The following DNAH12 variants were observed in gnomAD, a reference collection of about 807,000 sequenced individuals.
DNAH12 encodes axonemal beta dynein heavy chain 12.
Under a neutral mutation model 371.5 loss-of-function variants are expected in DNAH12, and 285 were observed. The observed-to-expected ratio is 0.77, with a 90% CI of 0.70 to 0.85. DNAH12 has a LOEUF of 0.85. DNAH12 is among the 40% of genes least tolerant of loss of function. The pLI is 0.00. For synonymous variants in DNAH12, 1,200 were observed against 1,213.0 expected, an observed-to-expected ratio of 0.99 and a Z score of 0.22; for missense variants, 3,611 against 3,689.4, an observed-to-expected ratio of 0.98 and a Z score of 0.55.
chr3:57,519,596 C>G, intron 4 of DNAH12: 1 of 863,456 alleles, frequency 1.2e-6, no homozygotes, highest in Non-Finnish European at 2.0e-6. Context: ...AGTGTTCTAG[C>G]CTTTGAAGGG....
At chr3:57,321,221 C>G (rs140562263) in intron 65 of DNAH12, among the ~76,000 whole-genome samples, 1 of 152,316 alleles carries the variant, frequency 6.6e-6, no homozygotes, top group Non-Finnish European at 1.5e-5. Flanking sequence ...CTACTAAGCT[C>G]TCTTTCTAAA....
In DNAH12 at chr3:57,458,235, T is replaced by C. The variant is rs1418375408; in HGVS notation, c.2932-15A>G. On this transcript the variant is annotated splice_polypyrimidine_tract_variant and intron_variant, in intron 20 of 73. Transcript: ENST00000495027. ...GCAGCAAGAACCTAAACGAGACACA[T>C]GCATTCAAGTCAGCACTTTTATGCC... 5.2e-6 allele frequency: 8 copies of C among 1,536,934 alleles called. No individual in the cohort carries two copies. Among genetic ancestry groups the C allele is most frequent in the Non-Finnish European group, 7.0e-6 (8 of 1,143,182 alleles).
chr3:57,437,114 C>A (rs2065152562), intron 29 of DNAH12, 54 bp from the exon 30 acceptor site: 1 of 1,111,268 alleles, frequency 9.0e-7, no homozygotes, highest in Non-Finnish European at 1.3e-6. Context: ...AAATGTCATA[C>A]CTGTCTTATA....
Position 57,425,050 on chromosome 3 carries a change from G to C in DNAH12, c.5345C>G (p.Thr1782Ser), listed in dbSNP as rs2064720220. The change falls in exon 35 of 74, where the codon ACT (threonine) becomes AGT (serine). Residue 1782 changes from threonine (T) to serine (S), a missense_variant. Thr to Ser is a moderately conservative substitution (Grantham distance 58, BLOSUM62 1). This residue lies in a region of DNAH12 where 2,266 missense variants were observed against 2,236.9 expected (regional missense o/e 1.01). Coordinates refer to ENST00000495027, the MANE Select transcript of DNAH12 (RefSeq NM_001366028.2). ...AATCCAAACACGAATGTGCTTGCTA[G>C]TAGGATCATTTTCTACCACATTGCA... ...LLCNVVENDP[T>S]SKHIRVWIMA... The C allele has an allele frequency of 2.8e-6, 2 of 702,680 alleles. No individual in the cohort carries two copies. The highest frequency in any genetic ancestry group is 2.6e-6 in the Non-Finnish European group (1 of 384,890). The allele number at this position is 702,680 out of a possible 1,614,324, so 43.5% of individuals were successfully genotyped here. A position where few individuals can be genotyped will look rare whatever the true frequency, so the allele number is the denominator to read the frequency against.
In DNAH12 at chr3:57,310,747, G is replaced by A; in HGVS notation, c.10866C>T (p.Gly3622=). ...PSGNYFAPPK[G]TYEDYIEFIK... ...TGAATTCAATGTAGTCCTCATAAGT[G>A]CCTTTAGGAGGTGCAAAATAGTTTC... The change falls in exon 67 of 74, where the codon GGC becomes GGT. Residue 3622 remains glycine, a synonymous_variant. Coordinates refer to ENST00000495027, the MANE Select transcript of DNAH12 (RefSeq NM_001366028.2). 6.4e-7 allele frequency: 1 copy of A among 1,551,314 alleles called. No homozygotes were observed. The highest frequency in any genetic ancestry group is 8.7e-7 in the Non-Finnish European group (1 of 1,146,704).
chr3:57,515,471 C>A (rs1403007310), intron 4 of DNAH12, among the ~76,000 whole-genome samples: 3 of 152,018 alleles, frequency 2.0e-5, no homozygotes, highest in African/African-American at 7.2e-5. Flanking sequence ...AAAGCCAGGC[C>A]TTGTGGCGCA....
chr3:57,431,152 T>A (rs1050546287), intron 32 of DNAH12, among the ~76,000 whole-genome samples: 3 of 152,148 alleles, frequency 2.0e-5, no homozygotes, highest in Admixed American at 6.5e-5. Flanking sequence ...AAAGGTAGGG[T>A]CAGCATTCTC....
intron 40 of DNAH12, among the ~76,000 whole-genome samples, chr3:57,407,044 G>A (rs2064053520): frequency 6.6e-6 from 1 of 151,946 alleles, no homozygotes; most frequent in Non-Finnish European, 1.5e-5. Context: ...GACTACAGGT[G>A]CACACCACCA....
At chr3:57,319,592 C>T (rs2061760580) in intron 65 of DNAH12, among the ~76,000 whole-genome samples, 1 of 151,548 alleles carries the variant, frequency 6.6e-6, no homozygotes, top group African/African-American at 2.4e-5. Context: ...TGTTTTGTTT[C>T]TTCCTGAGAT....
At chr3:57,406,943 C>T (rs1434705860) in intron 40 of DNAH12, among the ~76,000 whole-genome samples, 1 of 152,034 alleles carries the variant, frequency 6.6e-6, no homozygotes, top group African/African-American at 2.4e-5. Flanking sequence ...TCTGTCGCCC[C>T]GCTGGAGTGC....
intron 16 of DNAH12, among the ~76,000 whole-genome samples, chr3:57,470,112 G>A (rs1237129335): frequency 6.6e-6 from 1 of 151,956 alleles, no homozygotes; most frequent in East Asian, 1.9e-4. Flanking sequence ...AAACCAAAAT[G>A]ACAACTCATA....
chr3:57,396,633 C>G (rs1342377525), intron 43 of DNAH12, among the ~76,000 whole-genome samples: 2 of 151,854 alleles, frequency 1.3e-5, no homozygotes, highest in African/African-American at 4.8e-5. Flanking sequence ...CCTGCCTCAG[C>G]CTCCCAAGTA....
At chr3:57,361,210 G>C (rs1012067626) in intron 58 of DNAH12, among the ~76,000 whole-genome samples, 1 of 151,118 alleles carries the variant, frequency 6.6e-6, no homozygotes, top group Non-Finnish European at 1.5e-5. Context: ...AAATTGGCCT[G>C]GCATGGTGGG....
At position 57,305,095 on chromosome 3, in the gene DNAH12, G is replaced by A. The variant is rs188362815; in HGVS notation, c.11190-3156C>T. ...CAGTGGTTCCAAATAGCCAGAAAAC[G>A]GCACTTTCGATTTTTCCATCCTACA... On this transcript the variant is annotated intron_variant, in intron 69 of 73. Coordinates refer to ENST00000495027, the MANE Select transcript of DNAH12 (RefSeq NM_001366028.2). Among the ~76,000 whole-genome samples, 32 of 152,116 alleles carry A rather than the reference G, an allele frequency of 2.1e-4. No individual in the cohort carries two copies. In the East Asian group the frequency reaches 5.8e-3, roughly 28 times the overall value.
At chr3:57,408,005 G>A (rs1425012399) in intron 40 of DNAH12, among the ~76,000 whole-genome samples, 1 of 152,058 alleles carries the variant, frequency 6.6e-6, no homozygotes, top group Non-Finnish European at 1.5e-5. Flanking sequence ...TAACAACCTT[G>A]TGAAATAGGT....
intron 60 of DNAH12, among the ~76,000 whole-genome samples, chr3:57,341,972 GC>G (rs1209551616): frequency 6.6e-6 from 1 of 152,150 alleles, no homozygotes; most frequent in Non-Finnish European, 1.5e-5. Flanking sequence ...TGTATCTACA[GC>G]CAACTGACTT....
chr3:57,297,881 C>T (rs944650823), intron 70 of DNAH12, among the ~76,000 whole-genome samples: 3 of 152,180 alleles, frequency 2.0e-5, no homozygotes, highest in Non-Finnish European at 4.4e-5. Flanking sequence ...CCAAATTGTT[C>T]AGTGATGCAC....
intron 2 of DNAH12, among the ~76,000 whole-genome samples, chr3:57,525,560 T>C (rs1035241706): frequency 2.6e-5 from 4 of 152,100 alleles, no homozygotes; most frequent in Non-Finnish European, 4.4e-5. Flanking sequence ...TATGTATTTA[T>C]GGATTACATG....
intron 17 of DNAH12, among the ~76,000 whole-genome samples, chr3:57,468,441 A>G (rs2066267100): frequency 6.6e-6 from 1 of 152,054 alleles, no homozygotes; most frequent in Non-Finnish European, 1.5e-5. Flanking sequence ...TGGGCAACAC[A>G]GCAAAACCCC....
Sources: allele counts gnomAD v4.1 joint callset (sites outside exome capture counted in the v4.1 genomes callset), GRCh38; gene constraint gnomAD v4.1.1; regional missense constraint gnomAD v4.1.1; transcripts MANE v1.5; gene names NCBI Gene and HGNC (gene_info 2026-07-23, HGNC 2026-07-21).